Variants in LGSN observed in about 807,000 individuals in gnomAD.
LGSN encodes the protein lengsin, lens protein with glutamine synthetase domain, also known as lengsin.
Under a neutral mutation model 19.5 loss-of-function variants are expected in LGSN, and 21 were observed. The observed-to-expected ratio is 1.07, with a 90% CI of 0.76 to 1.55. The LOEUF (loss-of-function observed/expected upper bound fraction) is 1.55. LGSN is among the 40% of genes most tolerant of loss of function. LGSN has a pLI of 0.00. For synonymous variants in LGSN, 257 were observed against 215.6 expected, an observed-to-expected ratio of 1.19 and a Z score of -1.68; for missense variants, 673 against 608.5, an observed-to-expected ratio of 1.11 and a Z score of -1.12.
chr6:63,444,207 T>G, the LGSN span, among the ~76,000 whole-genome samples: 2,235 of 152,118 alleles, frequency 0.015, 44 homozygotes, highest in African/African-American at 0.051. Context: ...CTAAGTAGTA[T>G]GTTATCTCTT....
the LGSN span, among the ~76,000 whole-genome samples, chr6:63,387,125 T>C: frequency 6.6e-6 from 1 of 151,848 alleles, no homozygotes; most frequent in Non-Finnish European, 1.5e-5. Flanking sequence ...GAAAAATAGA[T>C]AAATAAGGAA....
chr6:63,569,273 T>G, the LGSN span, among the ~76,000 whole-genome samples: 1 of 152,244 alleles, frequency 6.6e-6, no homozygotes, highest in East Asian at 1.9e-4. Context: ...ATTCTTTTTT[T>G]GAAATGAAGT....
intron 3 of LGSN, among the ~76,000 whole-genome samples, chr6:63,284,336 G>C (rs1226471570): frequency 6.6e-6 from 1 of 152,026 alleles, no homozygotes; most frequent in Non-Finnish European, 1.5e-5. Flanking sequence ...AGTGTTTTTT[G>C]TATGTGGGAT....
the LGSN span, among the ~76,000 whole-genome samples, chr6:63,548,099 G>T: frequency 6.6e-6 from 1 of 152,120 alleles, no homozygotes; most frequent in East Asian, 1.9e-4. Context: ...CAGCTCCGAG[G>T]TCATAACCTC....
chr6:63,280,453 T>C lies in LGSN; in HGVS notation c.1098A>G (p.Arg366=). The change falls in exon 4 of 4, where the codon CGA becomes CGG. Residue 366 remains arginine, a synonymous_variant. Coordinates refer to ENST00000370657, the MANE Select transcript of LGSN (RefSeq NM_016571.3). The part of the protein sequence containing the change: ...SCLMAPSVSC[R]KRYSKDRKDL... ...CTTTCCTGTCCTTGGAATAACGCTT[T>C]CGGCAGCTAACAGAAGGCGCCATCA... 1 of 1,614,206 alleles carries C rather than the reference T, an allele frequency of 6.2e-7. No homozygotes were observed.
the LGSN span, among the ~76,000 whole-genome samples, chr6:63,453,694 C>T: frequency 6.6e-6 from 1 of 152,090 alleles, no homozygotes; most frequent in African/African-American, 2.4e-5. Flanking sequence ...CGCTCTGTTG[C>T]CCAGGCTGGA....
At chr6:63,485,567 G>A in the LGSN span, among the ~76,000 whole-genome samples, 10 of 152,124 alleles carry the variant, frequency 6.6e-5, no homozygotes, top group East Asian at 1.9e-4. Flanking sequence ...GTATTGCTGC[G>A]CCAAATTATA....
chr6:63,337,005 T>C, the LGSN span, among the ~76,000 whole-genome samples: 424 of 151,000 alleles, frequency 2.8e-3, 3 homozygotes, highest in African/African-American at 9.7e-3. Flanking sequence ...CTCACTGCAA[T>C]CTCCACCTCC....
At chr6:63,346,724 G>A in the LGSN span, among the ~76,000 whole-genome samples, 1 of 151,904 alleles carries the variant, frequency 6.6e-6, no homozygotes, top group South Asian at 2.1e-4. Flanking sequence ...TAACCTATAG[G>A]ATGTGACTCT....
the LGSN span, among the ~76,000 whole-genome samples, chr6:63,489,900 G>A: frequency 3.7e-4 from 56 of 152,086 alleles, no homozygotes; most frequent in African/African-American, 1.3e-3. Flanking sequence ...AGTAGACACA[G>A]GGTTTTACCA....
chr6:63,383,518 T>G, the LGSN span, among the ~76,000 whole-genome samples: 1 of 151,926 alleles, frequency 6.6e-6, no homozygotes, highest in African/African-American at 2.4e-5. Flanking sequence ...GAACAGGGCG[T>G]TTTTTTAATC....
At chr6:63,440,045 A>G in the LGSN span, among the ~76,000 whole-genome samples, 2 of 152,208 alleles carry the variant, frequency 1.3e-5, no homozygotes, top group South Asian at 4.1e-4. Context: ...AAAAAGACAA[A>G]CATAGGTTCC....
the LGSN span, among the ~76,000 whole-genome samples, chr6:63,412,491 A>AGAG: frequency 1.1e-5 from 1 of 90,900 alleles, no homozygotes. Context: ...GAGAAGAAAG[A>AGAG]AAGAAAGAAA....
At chr6:63,482,108 T>C in the LGSN span, among the ~76,000 whole-genome samples, 79 of 152,332 alleles carry the variant, frequency 5.2e-4, no homozygotes, top group Non-Finnish European at 8.5e-4. Context: ...TCAGCCTTCT[T>C]TTCCTCTCAC....
intron 2 of LGSN, among the ~76,000 whole-genome samples, chr6:63,294,187 T>C (rs1414436560): frequency 6.6e-6 from 1 of 151,706 alleles, no homozygotes; most frequent in Non-Finnish European, 1.5e-5. Flanking sequence ...ATATAAAAAA[T>C]TAGCGTGGCA....
chr6:63,331,555 G>C, the LGSN span, among the ~76,000 whole-genome samples: 1 of 151,908 alleles, frequency 6.6e-6, no homozygotes, highest in Non-Finnish European at 1.5e-5. Context: ...GGTTTATTTT[G>C]TTTCTCCCCC....
the LGSN span, among the ~76,000 whole-genome samples, chr6:63,490,864 T>A: frequency 6.6e-6 from 1 of 152,246 alleles, no homozygotes; most frequent in East Asian, 1.9e-4. Flanking sequence ...CGGGAGCCAA[T>A]GGTATAAGTC....
At chr6:63,438,922 T>C in the LGSN span, among the ~76,000 whole-genome samples, 113,161 of 152,036 alleles carry the variant, frequency 0.74, 42,845 homozygotes, top group African/African-American at 0.89. Flanking sequence ...TATTGTGGCA[T>C]TATTCACAAT....
chr6:63,310,788 A>G (rs947804692), intron 1 of LGSN, among the ~76,000 whole-genome samples: 1 of 152,174 alleles, frequency 6.6e-6, no homozygotes, highest in African/African-American at 2.4e-5. Context: ...TCAGTGCTGT[A>G]AACTGGATGC....
Sources: allele counts gnomAD v4.1 joint callset (sites outside exome capture counted in the v4.1 genomes callset), GRCh38; gene constraint gnomAD v4.1.1; transcripts MANE v1.5; gene names NCBI Gene and HGNC (gene_info 2026-07-23, HGNC 2026-07-21).